Variants in IFRD1 observed in about 807,000 individuals in gnomAD.
IFRD1 encodes the protein interferon-related developmental regulator 1.
In IFRD1, 35 loss-of-function variants were observed where a neutral mutation model predicts 52.9. The ratio of observed to expected loss-of-function variants is 0.66; its 90% CI spans 0.51 to 0.88. The LOEUF is 0.88. Ranked by LOEUF, IFRD1 falls within the 40% of genes least tolerant of loss-of-function variation. The pLI is 0.00. For synonymous variants in IFRD1, 184 were observed against 188.4 expected (o/e 0.98, Z 0.19); for missense variants, 517 against 550.8 (o/e 0.94, Z 0.61).
chr7:112,453,362 T>G (rs1343642911), intron 1 of IFRD1, among the ~76,000 whole-genome samples: 1 of 152,194 alleles, frequency 6.6e-6, no homozygotes, highest in East Asian at 1.9e-4. Flanking sequence ...TGCCATCTCT[T>G]TCGTGGTACT....
At chr7:112,475,294 G>A (rs1795871412) in intron 11 of IFRD1, 136 bp from the exon 12 acceptor site, 1 of 645,976 alleles carries the variant, frequency 1.5e-6, no homozygotes, top group African/African-American at 1.8e-5. Context: ...CATTCTTTGT[G>A]TGTGTTTTAT....
chr7:112,451,442 C>T (rs1795162753), intron 1 of IFRD1, among the ~76,000 whole-genome samples: 1 of 152,076 alleles, frequency 6.6e-6, no homozygotes, highest in South Asian at 2.1e-4. Flanking sequence ...ACCTCTGCGA[C>T]CACCCGAGGC....
intron 1 of IFRD1, chr7:112,452,548 A>G (rs1795191314): frequency 1.5e-6 from 1 of 668,106 alleles, no homozygotes; most frequent in Non-Finnish European, 1.9e-6. Context: ...TGTTGATGAA[A>G]TGGAAAAGTT....
At chr7:112,444,754 G>A (rs781609510) in intron 1 of IFRD1, among the ~76,000 whole-genome samples, 8 of 152,130 alleles carry the variant, frequency 5.3e-5, no homozygotes, top group Non-Finnish European at 7.3e-5. Flanking sequence ...TAAAACCCAT[G>A]ACTCTGGACA....
At chr7:112,460,174 AT>A (rs1457683529) in intron 5 of IFRD1, among the ~76,000 whole-genome samples, 2 of 149,444 alleles carry the variant, frequency 1.3e-5, no homozygotes, top group East Asian at 4.0e-4. Context: ...GTTGCTGTGA[AT>A]TTTTAAAAAA....
intron 1 of IFRD1, among the ~76,000 whole-genome samples, chr7:112,426,583 A>G (rs1302297974): frequency 6.6e-6 from 1 of 152,242 alleles, no homozygotes; most frequent in East Asian, 1.9e-4. Flanking sequence ...CCTGCCAGCC[A>G]TCTGAATGCA....
chr7:112,437,557 C>G (rs1794735264), intron 1 of IFRD1, among the ~76,000 whole-genome samples: 1 of 151,958 alleles, frequency 6.6e-6, no homozygotes, highest in Non-Finnish European at 1.5e-5. Flanking sequence ...GATTTGGTAA[C>G]TTGCAGCTGA....
chr7:112,467,926 G>T, intron 8 of IFRD1, 55 bp from the exon 9 acceptor site: 1 of 1,410,118 alleles, frequency 7.1e-7, no homozygotes, highest in Non-Finnish European at 1.0e-6. Context: ...AGCTCTATAT[G>T]AGGTCAGAAA....
At chr7:112,452,139 A>T (rs1397883443) in intron 1 of IFRD1, 1 of 969,478 alleles carries the variant, frequency 1.0e-6, no homozygotes, top group African/African-American at 1.9e-5. Flanking sequence ...TGGTTGCTCT[A>T]TGTGAATTGA....
At chr7:112,471,506 A>T (rs979445114) in intron 9 of IFRD1, among the ~76,000 whole-genome samples, 1 of 151,888 alleles carries the variant, frequency 6.6e-6, no homozygotes, top group Non-Finnish European at 1.5e-5. Context: ...GGTTACTCTG[A>T]CATACTCATG....
intron 9 of IFRD1, among the ~76,000 whole-genome samples, chr7:112,469,915 C>G (rs1270771093): frequency 1.3e-5 from 2 of 151,624 alleles, no homozygotes; most frequent in Non-Finnish European, 2.9e-5. Context: ...TGAGAAAGGC[C>G]TGTCCTCAGG....
intron 9 of IFRD1, 82 bp from the exon 10 acceptor site, chr7:112,472,137 G>T: frequency 7.3e-7 from 1 of 1,370,720 alleles, no homozygotes; most frequent in South Asian, 1.2e-5. Context: ...GCATGTATAT[G>T]ACTGTTTAGA....
Position 112,476,771 on chromosome 7 carries a change from A to C in IFRD1, c.*1252A>C, listed in dbSNP as rs189088158. On this transcript the variant is annotated 3_prime_UTR_variant, in exon 12 of 12. Transcript: ENST00000403825. ...AACTTTAGATTAAAATATATAGTGC[A>C]AGCAACATGCCATTTCAAATCCGTA... is the stretch of plus-strand genomic sequence containing the variant. The C allele has an allele frequency of 1.4e-3, 215 of 152,366 alleles. No homozygotes were observed. Among genetic ancestry groups the C allele is most frequent in the African/African-American group, 4.9e-3 (202 of 41,590 alleles). The allele number at this position is 152,366 out of a possible 1,614,324, so 9.4% of individuals were successfully genotyped here. A position where few individuals can be genotyped will look rare whatever the true frequency, so the allele number is the denominator to read the frequency against.
At chr7:112,467,707 G>A (rs2117324923) in intron 8 of IFRD1, 4 of 415,408 alleles carry the variant, frequency 9.6e-6, no homozygotes, top group South Asian at 6.4e-5. Context: ...CTTATATATG[G>A]TGGGAACACA....
upstream of IFRD1, among the ~76,000 whole-genome samples, chr7:112,449,658 C>T (rs138487364): frequency 6.6e-6 from 1 of 152,148 alleles, no homozygotes; most frequent in Non-Finnish European, 1.5e-5. Flanking sequence ...ATCTGTATAA[C>T]TTGTGTTTGT....
rs534823607 is a variant in IFRD1 at position 112,425,572 on chromosome 7, C to G, written c.-182+2140C>G. On this transcript the variant is annotated intron_variant, in intron 1 of 12. Transcript: ENST00000005558. ...GGGCTGTTGGACCTCTGACCTTGGA[C>G]TAAGGGTTGCACTGTTGGCTTCCCT... 5.3e-5 allele frequency among the ~76,000 whole-genome samples: 8 copies of G among 152,294 alleles called. No individual in the cohort carries two copies. In the South Asian group the frequency reaches 1.7e-3, roughly 32 times the overall value.
At chr7:112,449,559 A>AT (rs1795099102), upstream of IFRD1, among the ~76,000 whole-genome samples, 1 of 152,180 alleles carries the variant, frequency 6.6e-6, no homozygotes, top group Non-Finnish European at 1.5e-5. Context: ...TGAACCTAAT[A>AT]ACAGGCTCTA....
intron 9 of IFRD1, 147 bp from the exon 10 acceptor site, chr7:112,472,072 G>A (rs2117335393): frequency 1.2e-6 from 1 of 814,062 alleles, no homozygotes; most frequent in Non-Finnish European, 2.1e-6. Flanking sequence ...GCAACAGTTT[G>A]TCCACATCTC....
intron 9 of IFRD1, among the ~76,000 whole-genome samples, 195 bp downstream of exon 9, chr7:112,468,310 A>G (rs894228070): frequency 6.6e-6 from 1 of 151,648 alleles, no homozygotes; most frequent in Non-Finnish European, 1.5e-5. Context: ...ATGCTGGTGT[A>G]TAAAGATACT....
Sources: gnomAD v4.1 joint callset for allele counts (sites outside exome capture counted in the v4.1 genomes callset) on GRCh38, gnomAD v4.1.1 for gene constraint, MANE v1.5 for transcripts, NCBI Gene and HGNC (gene_info 2026-07-23, HGNC 2026-07-21) for gene names.